Variants in RHOQ observed in about 807,000 individuals in gnomAD.
RHOQ encodes ras homolog family member Q, also known as rho-related GTP-binding protein RhoQ.
RHOQ carries 7 observed loss-of-function variants against 25.8 expected under a neutral mutation model. The ratio of observed to expected loss-of-function variants is 0.27; its 90% confidence interval spans 0.15 to 0.51. The LOEUF (loss-of-function observed/expected upper bound fraction) is 0.51. Ranked by LOEUF, RHOQ falls within the 20% of genes least tolerant of loss-of-function variation. The pLI is 0.97. For synonymous variants in RHOQ, 97 were observed against 98.6 expected (o/e 0.98, Z 0.10); for missense variants, 165 against 260.6 (o/e 0.63, Z 2.53).
At chr2:46,563,550 CAGGGG>C (rs913268755) in intron 2 of RHOQ, among the ~76,000 whole-genome samples, 31 of 152,180 alleles carry the variant, frequency 2.0e-4, no homozygotes, top group African/African-American at 7.5e-4. Context: ...ACAGAATAGG[CAGGGG>C]AGGGGAGGGC....
rs148505771 is a variant in RHOQ at position 46,543,082 on chromosome 2, C to T, written c.36C>T (p.Cys12=). 38 of 1,608,722 alleles carry T rather than the reference C, an allele frequency of 2.4e-5. No individual in the cohort carries two copies. In the Admixed American group the frequency reaches 4.2e-4, roughly 18 times the overall value. The change falls in exon 1 of 5, where the codon TGC becomes TGT. Residue 12 remains cysteine, a synonymous_variant. Coordinates refer to ENST00000238738, the MANE Select transcript of RHOQ (RefSeq NM_012249.4). ...AHGPGALMLK[C]VVVGDGAVGK... ...GGCCCGGCGCGCTGATGCTCAAGTG[C>T]GTGGTGGTCGGCGACGGGGCGGTGG...
At chr2:46,560,539 G>A (rs941964536) in intron 2 of RHOQ, 9 of 455,744 alleles carry the variant, frequency 2.0e-5, no homozygotes, top group Non-Finnish European at 3.1e-5. Flanking sequence ...GCAGCAAAGC[G>A]AGTTGGATTT....
intron 2 of RHOQ, among the ~76,000 whole-genome samples, chr2:46,574,212 G>A (rs1572754906): frequency 6.6e-6 from 1 of 152,258 alleles, no homozygotes; most frequent in South Asian, 2.1e-4. Context: ...TGTGAAAATT[G>A]GAAATCTAAA....
In RHOQ at chr2:46,552,839, G is replaced by T. The variant is rs1476406963; in HGVS notation, c.201+9027G>T. Reference sequence around the variant, plus strand: ...CCATGAGTGGTGGGAGGGCAGTGGGGCCTATTTATTGGGGGCACAGAGGAG... The same window carrying T: ...CCATGAGTGGTGGGAGGGCAGTGGGTCCTATTTATTGGGGGCACAGAGGAG... On this transcript the variant is annotated intron_variant, in intron 2 of 4. Transcript: ENST00000238738. This position sits in a 1 kb window ranked among gnomAD's most constrained non-coding sequence, Gnocchi z 5.0. 6.6e-6 allele frequency among the ~76,000 whole-genome samples: 1 copy of T among 152,244 alleles called. No individual in the cohort carries two copies. Among genetic ancestry groups the T allele is most frequent in the Non-Finnish European group, 1.5e-5 (1 of 68,048 alleles).
intron 2 of RHOQ, among the ~76,000 whole-genome samples, chr2:46,571,610 C>A (rs1434800206): frequency 6.6e-6 from 1 of 152,194 alleles, no homozygotes. Context: ...TATTCACTTG[C>A]TCCAGCTTAC....
rs997624088 is a variant in RHOQ, at chr2:46,584,682, CTG to C, written c.*3601_*3602del. Among the ~76,000 whole-genome samples the C allele has an allele frequency of 9.2e-5, 14 of 152,148 alleles. No homozygotes were observed. The highest frequency in any genetic ancestry group is 2.1e-4 in the Non-Finnish European group (14 of 68,008). ...TTAAAATGTGGACTGGCTTTGAAGA[CTG>C]TTAATGATGGGTCAGGCTTTGTACT... On this transcript the variant is annotated 3_prime_UTR_variant, in exon 5 of 5. Coordinates refer to ENST00000238738, the MANE Select transcript of RHOQ (RefSeq NM_012249.4).
Position 46,581,209 on chromosome 2 carries a change from C to T in RHOQ, c.*126C>T. The T allele has an allele frequency of 1.0e-6, 1 of 968,456 alleles. No homozygotes were observed. The highest frequency in any genetic ancestry group is 2.7e-5 in the East Asian group (1 of 36,832). 60.0% of individuals were successfully genotyped at this position (968,456 alleles called of 1,614,324 possible). A position where few individuals can be genotyped will look rare whatever the true frequency, so the allele number is the denominator to read the frequency against. ...AAACTTGAAAGAAAACAAAACCTGT[C>T]CTCAGAATTCTATAAAGTGTATTAA... On this transcript the variant is annotated 3_prime_UTR_variant, in exon 5 of 5. Transcript: ENST00000238738.
chr2:46,543,490 C>T, intron 1 of RHOQ: 2 of 600,010 alleles, frequency 3.3e-6, no homozygotes, highest in Non-Finnish European at 3.0e-6. Context: ...CCCAAGGCCC[C>T]GGGGGAAATA....
At position 46,583,658 on chromosome 2, in the gene RHOQ, G is replaced by A. The variant is rs1351986306; in HGVS notation, c.*2575G>A. On this transcript the variant is annotated 3_prime_UTR_variant, in exon 5 of 5. Transcript: ENST00000238738. ...TTGTTTTCTATTGATAAGCAGACTA[G>A]AGAAAAACTGCCTTATTTTCAGAAG... Among the ~76,000 whole-genome samples the A allele has an allele frequency of 1.3e-5, 2 of 152,110 alleles. No homozygotes were observed. The highest frequency in any genetic ancestry group is 2.9e-5 in the Non-Finnish European group (2 of 67,984).
chr2:46,560,742 C>G, intron 2 of RHOQ: 1 of 419,658 alleles, frequency 2.4e-6, no homozygotes, highest in Admixed American at 2.5e-5. Context: ...CTAGACTTTG[C>G]GTAGAGTCTG....
At chr2:46,571,213 C>T (rs964684108) in intron 2 of RHOQ, among the ~76,000 whole-genome samples, 10 of 152,200 alleles carry the variant, frequency 6.6e-5, no homozygotes, top group African/African-American at 2.2e-4. Flanking sequence ...TGTTCACATA[C>T]ATCTTATCTA....
chr2:46,561,748 C>A (rs916141422), intron 2 of RHOQ, among the ~76,000 whole-genome samples: 1 of 152,148 alleles, frequency 6.6e-6, no homozygotes, highest in Non-Finnish European at 1.5e-5. Flanking sequence ...TCCTTGGACC[C>A]GTTTATCCCA....
rs762062319 is a variant in RHOQ, at chr2:46,555,211, G to A, written c.201+11399G>A. Among the ~76,000 whole-genome samples, 10 of 152,316 alleles carry A rather than the reference G, an allele frequency of 6.6e-5. No individual in the cohort carries two copies. The highest frequency in any genetic ancestry group is 2.2e-4 in the African/African-American group (9 of 41,564). On this transcript the variant is annotated intron_variant, in intron 2 of 4. Transcript: ENST00000238738. The surrounding 1 kb of genome is among the most constrained non-coding windows in gnomAD (Gnocchi z 4.3). The stretch of plus-strand genomic sequence containing the variant: ...CCATGACCTCCTCACCTCTGACTCC[G>A]GCCCTCTAGTGGTCGAGTCCCTCCT...
rs766509302 is a variant in RHOQ at position 46,576,661 on chromosome 2, TG to T, written c.462+7del. 4.6e-6 allele frequency: 7 copies of T among 1,531,096 alleles called. No homozygotes were observed. The highest frequency in any genetic ancestry group is 5.4e-6 in the Non-Finnish European group (6 of 1,117,040). The allele number at this position is 1,531,096 out of a possible 1,614,324, so 94.8% of individuals were successfully genotyped here. A position where few individuals can be genotyped will look rare whatever the true frequency, so the allele number is the denominator to read the frequency against. ...GGACAGAAACTAGCAAAAGAGGTAA[TG>T]GAACACTCACAGAATTTAAGCATGA... On this transcript the variant is annotated splice_donor_region_variant and intron_variant, in intron 4 of 4. Coordinates refer to ENST00000238738, the MANE Select transcript of RHOQ (RefSeq NM_012249.4). The surrounding 1 kb of genome is among the most constrained non-coding windows in gnomAD (Gnocchi z 5.1).
rs537697565 is a variant in RHOQ at position 46,552,152 on chromosome 2, A to G, written c.201+8340A>G. Among the ~76,000 whole-genome samples, 9 of 152,322 alleles carry G rather than the reference A, an allele frequency of 5.9e-5. No individual in the cohort carries two copies. Among genetic ancestry groups the G allele is most frequent in the African/African-American group, 2.2e-4 (9 of 41,548 alleles). On this transcript the variant is annotated intron_variant, in intron 2 of 4. Coordinates refer to ENST00000238738, the MANE Select transcript of RHOQ (RefSeq NM_012249.4). This position sits in a 1 kb window ranked among gnomAD's most constrained non-coding sequence, Gnocchi z 5.0. ...TAGAAGAGATGGTGGAACATTGTGT[A>G]TAGGTGGAACACGTAGGGACGGCTG...
intron 4 of RHOQ, chr2:46,580,167 C>G (rs1033654712): frequency 3.3e-5 from 5 of 152,584 alleles, no homozygotes; most frequent in Non-Finnish European, 5.9e-5. Context: ...TCAGACTAAA[C>G]GCCAAAGTCC....
chr2:46,563,496 A>G (rs1023738866), intron 2 of RHOQ, among the ~76,000 whole-genome samples: 1 of 152,206 alleles, frequency 6.6e-6, no homozygotes, highest in Non-Finnish European at 1.5e-5. Flanking sequence ...CGTCTGTAGT[A>G]TAAAAGGGCC....
chr2:46,559,118 T>G (rs1668491064), intron 2 of RHOQ, among the ~76,000 whole-genome samples: 1 of 152,134 alleles, frequency 6.6e-6, no homozygotes, highest in Non-Finnish European at 1.5e-5. Flanking sequence ...CACTTCTGGC[T>G]AGTTTTTTGT....
chr2:46,543,053 C>T lies in RHOQ; in HGVS notation c.7C>T (p.His3Tyr). 1 of 1,598,424 alleles carries T rather than the reference C, an allele frequency of 6.3e-7. No individual in the cohort carries two copies. Among genetic ancestry groups the T allele is most frequent in the Non-Finnish European group, 8.5e-7 (1 of 1,174,212 alleles). Reference sequence around the variant, plus strand: ...GAGGCCGGCCGGCAGCAGCATGGCTCACGGGCCCGGCGCGCTGATGCTCAA... The same window carrying T: ...GAGGCCGGCCGGCAGCAGCATGGCTTACGGGCCCGGCGCGCTGATGCTCAA... MA[H>Y]GPGALMLKCV... is the part of the protein sequence containing the mutation. The change falls in exon 1 of 5, where the codon CAC (histidine) becomes TAC (tyrosine). Residue 3 changes from histidine to tyrosine, a missense_variant. Physicochemically the swap from His to Tyr is moderately conservative, Grantham distance 83. Coordinates refer to ENST00000238738, the MANE Select transcript of RHOQ (RefSeq NM_012249.4).
Sources: gnomAD v4.1 joint callset for allele counts (sites outside exome capture counted in the v4.1 genomes callset) on GRCh38, gnomAD v4.1.1 for gene constraint, Gnocchi (gnomAD v3.1) non-coding constraint, MANE v1.5 for transcripts, NCBI Gene and HGNC (gene_info 2026-07-23, HGNC 2026-07-21) for gene names.